Variants in MPP7 observed in about 807,000 individuals in gnomAD.
MPP7 encodes the protein MAGUK p55 subfamily member 7.
In MPP7, 60 loss-of-function variants were observed where a neutral mutation model predicts 76.5. The observed-to-expected ratio is 0.78, with a 90% CI of 0.64 to 0.97. The LOEUF (loss-of-function observed/expected upper bound fraction) is 0.97. Ranked by LOEUF, MPP7 falls within the 50% of genes least tolerant of loss-of-function variation. MPP7 has a pLI of 0.00. For missense variants in MPP7, 641 were observed against 694.0 expected (o/e 0.92, Z 0.86); for synonymous variants, 237 against 244.5 (o/e 0.97, Z 0.29).
intron 2 of MPP7, among the ~76,000 whole-genome samples, chr10:28,313,727 C>T (rs1841302608): frequency 6.6e-6 from 1 of 152,042 alleles, no homozygotes; most frequent in Admixed American, 6.6e-5. Context: ...TGCTCGGTCC[C>T]CCAGGTTGGA....
At chr10:28,318,550 T>C (rs1589047769) in intron 2 of MPP7, among the ~76,000 whole-genome samples, 2 of 152,176 alleles carry the variant, frequency 1.3e-5, no homozygotes, top group East Asian at 1.9e-4. Context: ...CTGGACATGG[T>C]TTCGTGTGCC....
chr10:28,243,135 G>A (rs1338975125), intron 1 of MPP7, among the ~76,000 whole-genome samples: 24 of 151,560 alleles, frequency 1.6e-4, no homozygotes, highest in Non-Finnish European at 1.5e-5. Flanking sequence ...TTCAAGCTTC[G>A]GTATTTGGCA....
chr10:28,093,279 G>C (rs1288179334), intron 11 of MPP7, among the ~76,000 whole-genome samples: 2 of 151,962 alleles, frequency 1.3e-5, no homozygotes, highest in Admixed American at 1.3e-4. Context: ...ACAAACTTTT[G>C]GCACAGGAAT....
chr10:28,134,052 T>C (rs4747615), intron 5 of MPP7, among the ~76,000 whole-genome samples: 21,257 of 152,160 alleles, frequency 0.14, 1,762 homozygotes, highest in East Asian at 0.36. Context: ...ATATATGATG[T>C]TATTTAAGTA....
At chr10:28,155,692 G>T (rs947223282) in intron 3 of MPP7, among the ~76,000 whole-genome samples, 1 of 152,144 alleles carries the variant, frequency 6.6e-6, no homozygotes, top group Non-Finnish European at 1.5e-5. Context: ...GACAGATTTG[G>T]GGAGGAAGGG....
chr10:28,320,993 C>G (rs1217783804), intron 2 of MPP7, among the ~76,000 whole-genome samples: 2 of 152,080 alleles, frequency 1.3e-5, no homozygotes, highest in Non-Finnish European at 2.9e-5. Context: ...GGCCCCATGC[C>G]CACTCTGACA....
At chr10:28,109,860 A>ACAAAACAAAC (rs72341043) in intron 11 of MPP7, among the ~76,000 whole-genome samples, 1 of 148,770 alleles carries the variant, frequency 6.7e-6, no homozygotes, top group East Asian at 2.0e-4. Context: ...AAAAAAAAAA[A>ACAAAACAAAC]AAAAAAAAAA....
At chr10:28,327,002 G>A (rs1260098510) in intron 2 of MPP7, among the ~76,000 whole-genome samples, 4 of 152,164 alleles carry the variant, frequency 2.6e-5, no homozygotes, top group African/African-American at 4.8e-5. Context: ...TGGTGAGGAC[G>A]GAGATGCCAG....
At chr10:28,069,694 A>AT in intron 13 of MPP7, 78 bp downstream of exon 13, 1 of 1,225,922 alleles carries the variant, frequency 8.2e-7, no homozygotes, top group Non-Finnish European at 1.1e-6. Context: ...CAAGTTAAAA[A>AT]TTTTTTAAAA....
intron 5 of MPP7, among the ~76,000 whole-genome samples, chr10:28,141,550 TACTC>T (rs1214163909): frequency 5.3e-5 from 8 of 152,148 alleles, no homozygotes; most frequent in Non-Finnish European, 1.2e-4. Context: ...TGTTAGAAAA[TACTC>T]AGTAAATAGT....
intron 12 of MPP7, among the ~76,000 whole-genome samples, chr10:28,075,144 T>G (rs899534552): frequency 1.3e-5 from 2 of 151,840 alleles, no homozygotes; most frequent in African/African-American, 4.8e-5. Flanking sequence ...AACAAACAGA[T>G]CTTGTGAGAA....
At chr10:28,279,200 T>C (rs932349386) in intron 1 of MPP7, among the ~76,000 whole-genome samples, 1 of 152,034 alleles carries the variant, frequency 6.6e-6, no homozygotes, top group Non-Finnish European at 1.5e-5. Context: ...GCTCAGTATC[T>C]CCTAAGGAAG....
chr10:28,082,402 C>T (rs1852805137), intron 12 of MPP7, among the ~76,000 whole-genome samples: 1 of 151,648 alleles, frequency 6.6e-6, no homozygotes, highest in South Asian at 2.1e-4. Flanking sequence ...TCCCCTTCTT[C>T]TCCTTCTCCT....
At chr10:28,275,373 C>G (rs558821428) in intron 1 of MPP7, among the ~76,000 whole-genome samples, 2 of 151,978 alleles carry the variant, frequency 1.3e-5, no homozygotes, top group East Asian at 1.9e-4. Context: ...CCTCTTACAT[C>G]CAATAATCAC....
rs528640027 is a variant in MPP7, at chr10:28,052,896, C to T, written c.*1169G>A. 3.2e-4 allele frequency: 49 copies of T among 152,142 alleles called. No individual in the cohort carries two copies. Among genetic ancestry groups the T allele is most frequent in the African/African-American group, 1.1e-3 (46 of 41,524 alleles). 9.4% of individuals were successfully genotyped at this position (152,142 alleles called of 1,614,324 possible). On this transcript the variant is annotated 3_prime_UTR_variant, in exon 17 of 17. Coordinates refer to ENST00000683449, the MANE Select transcript of MPP7 (RefSeq NM_001318170.2). ...TTATAGAACGGATAGACATTTCTAG[C>T]ATTTTGAATTATATAATTCACTTGC...
intron 3 of MPP7, among the ~76,000 whole-genome samples, chr10:28,168,064 C>A (rs573442736): frequency 6.6e-6 from 1 of 152,238 alleles, no homozygotes; most frequent in African/African-American, 2.4e-5. Context: ...TGGTGAAACC[C>A]CGTTTCTGCT....
Position 28,233,931 on chromosome 10 carries a change from G to A in MPP7, c.37+4637C>T, listed in dbSNP as rs1838980423. Among the ~76,000 whole-genome samples, 3 of 150,824 alleles carry A rather than the reference G, an allele frequency of 2.0e-5. No homozygotes were observed. In the South Asian group the frequency reaches 6.3e-4, roughly 32 times the overall value. On this transcript the variant is annotated intron_variant, in intron 2 of 16. Coordinates refer to ENST00000683449, the MANE Select transcript of MPP7 (RefSeq NM_001318170.2). The stretch of plus-strand genomic sequence containing the variant: ...AAAGGAGAGGCAGAGGGAAAGAAGA[G>A]AGAAGACAGAAGAGGGAAGAGAGAA...
At chr10:28,330,426 C>T (rs921062311) in intron 1 of MPP7, among the ~76,000 whole-genome samples, 5 of 152,058 alleles carry the variant, frequency 3.3e-5, no homozygotes, top group African/African-American at 1.2e-4. Flanking sequence ...TCTGACCTGC[C>T]CAACTTAGCA....
At chr10:28,071,531 A>G (rs968486874) in intron 12 of MPP7, among the ~76,000 whole-genome samples, 1 of 152,306 alleles carries the variant, frequency 6.6e-6, no homozygotes, top group East Asian at 1.9e-4. Flanking sequence ...CTTATAATAA[A>G]TATGCCATAA....
Sources: gnomAD v4.1 joint callset for allele counts (sites outside exome capture counted in the v4.1 genomes callset) on GRCh38, gnomAD v4.1.1 for gene constraint, MANE v1.5 for transcripts, NCBI Gene and HGNC (gene_info 2026-07-23, HGNC 2026-07-21) for gene names.